SNAP91: variants seen among roughly 807,000 people sequenced by gnomAD.
SNAP91 encodes the protein clathrin coat assembly protein AP180.
Under a neutral mutation model 100.3 loss-of-function variants are expected in SNAP91, and 27 were observed. That is an observed-to-expected ratio of 0.27 (90% CI 0.20 to 0.37). The LOEUF (loss-of-function observed/expected upper bound fraction) is 0.37, where lower values mean the gene tolerates loss of function less well. SNAP91 is among the 10% of genes least tolerant of loss of function. The pLI, the probability that SNAP91 is intolerant of heterozygous loss-of-function variation, is 1.00. For synonymous variants in SNAP91, 404 were observed against 398.6 expected (o/e 1.01, Z -0.16); for missense variants, 986 against 1,123.7 (o/e 0.88, Z 1.75).
chr6:83,698,385 A>G (rs1344800599), intron 2 of SNAP91, among the ~76,000 whole-genome samples: 1 of 151,830 alleles, frequency 6.6e-6, no homozygotes, highest in African/African-American at 2.4e-5. Context: ...AATACTGAAG[A>G]GGAGACTGCC....
intron 2 of SNAP91, among the ~76,000 whole-genome samples, chr6:83,694,794 G>T (rs1329940787): frequency 6.6e-6 from 1 of 152,010 alleles, no homozygotes; most frequent in East Asian, 1.9e-4. Flanking sequence ...CCTCATATTG[G>T]TTACAAGGGC....
At chr6:83,635,613 CT>C (rs1238769534) in intron 8 of SNAP91, among the ~76,000 whole-genome samples, 1 of 150,888 alleles carries the variant, frequency 6.6e-6, no homozygotes, top group African/African-American at 2.4e-5. Context: ...GACAGTACAT[CT>C]TTTTTTTTAA....
chr6:83,612,876 C>T (rs1247093054), intron 11 of SNAP91, among the ~76,000 whole-genome samples: 1 of 115,578 alleles, frequency 8.7e-6, no homozygotes, highest in African/African-American at 3.4e-5. Flanking sequence ...GTCTAGGAGA[C>T]AGAGCGAGAC....
chr6:83,560,971 C>T, intron 26 of SNAP91, 24 bp from the exon 27 acceptor site: 1 of 1,501,496 alleles, frequency 6.7e-7, no homozygotes, highest in Non-Finnish European at 9.0e-7. Context: ...CAGACATACA[C>T]ATATAAATAA....
chr6:83,623,702 G>A (rs2096822123), intron 8 of SNAP91, among the ~76,000 whole-genome samples: 1 of 151,822 alleles, frequency 6.6e-6, no homozygotes, highest in Non-Finnish European at 1.5e-5. Flanking sequence ...TTCTGGATAG[G>A]GAATGCTCAT....
At chr6:83,645,381 G>A (rs1208238418) in intron 7 of SNAP91, among the ~76,000 whole-genome samples, 1 of 151,930 alleles carries the variant, frequency 6.6e-6, no homozygotes, top group African/African-American at 2.4e-5. Flanking sequence ...CAACACCTCT[G>A]AAAAGAGTGC....
chr6:83,680,773 G>T (rs1173757855), intron 2 of SNAP91, among the ~76,000 whole-genome samples: 3 of 152,084 alleles, frequency 2.0e-5, no homozygotes, highest in Non-Finnish European at 4.4e-5. Context: ...CCACCCACAA[G>T]ATGCCAATAG....
intron 20 of SNAP91, among the ~76,000 whole-genome samples, 161 bp from the exon 21 acceptor site, chr6:83,592,699 C>T (rs755452505): frequency 6.6e-5 from 10 of 152,128 alleles, no homozygotes; most frequent in South Asian, 2.1e-4. Context: ...TTAAAATACA[C>T]GCTCTCCAGA....
intron 2 of SNAP91, among the ~76,000 whole-genome samples, chr6:83,671,828 A>G (rs2098791546): frequency 6.6e-6 from 1 of 152,116 alleles, no homozygotes; most frequent in African/African-American, 2.4e-5. Flanking sequence ...GAGATTGTCA[A>G]TCACTTAAAT....
intron 9 of SNAP91, among the ~76,000 whole-genome samples, chr6:83,619,070 GTTTC>G (rs1436254408): frequency 3.3e-5 from 5 of 151,446 alleles, no homozygotes; most frequent in Admixed American, 6.6e-5. Context: ...GTTTTGTAAA[GTTTC>G]TTTCTAAGTG....
Position 83,576,070 on chromosome 6 carries a change from G to T in SNAP91, c.2300-17C>A, listed in dbSNP as rs769348864. The T allele has an allele frequency of 1.6e-6, 2 of 1,258,864 alleles. No individual in the cohort carries two copies. The highest frequency in any genetic ancestry group is 1.1e-6 in the Non-Finnish European group (1 of 903,442). 78.0% of individuals were successfully genotyped at this position (1,258,864 alleles called of 1,614,324 possible). On this transcript the variant is annotated splice_polypyrimidine_tract_variant and intron_variant, in intron 24 of 29. Transcript: ENST00000369694. ...TTCCAAGATCTATAAATGGATAAAA[G>T]AAAAAAGAATGTAAATCTCTACACT...
intron 12 of SNAP91, among the ~76,000 whole-genome samples, chr6:83,610,150 T>C (rs1031570173): frequency 3.3e-5 from 5 of 152,126 alleles, no homozygotes; most frequent in African/African-American, 1.2e-4. Context: ...AAATAGATAT[T>C]TGTACACCCA....
rs567654116 is a variant in SNAP91, at chr6:83,675,146, C to A, written c.131-9565G>T. On this transcript the variant is annotated intron_variant, in intron 2 of 29. Transcript: ENST00000369694. ...AACTGTAGACAATGGATGAATAGGG[C>A]AAGTAAGAAAAGAATAGACACCCTC... is the stretch of plus-strand genomic sequence containing the variant. 3.3e-5 allele frequency among the ~76,000 whole-genome samples: 5 copies of A among 152,080 alleles called. No individual in the cohort carries two copies. In the South Asian group the frequency reaches 1.0e-3, roughly 32 times the overall value.
rs527263950 is a variant in SNAP91, at chr6:83,555,040, A to G, written c.*11-755T>C. Among the ~76,000 whole-genome samples the G allele has an allele frequency of 1.2e-3, 187 of 152,346 alleles. 1 individual carries two copies. Among genetic ancestry groups the G allele is most frequent in the Admixed American group, 1.8e-3 (28 of 15,286 alleles). ...ATGATTAGGGCAACATTTACTAAGTAAGAGGTGAATACAGGCTGCTCTATG... is the reference window on the plus strand; with the variant it reads ...ATGATTAGGGCAACATTTACTAAGTGAGAGGTGAATACAGGCTGCTCTATG... On this transcript the variant is annotated intron_variant, in intron 29 of 29. Transcript: ENST00000369694.
intron 7 of SNAP91, among the ~76,000 whole-genome samples, chr6:83,646,899 A>G (rs1333244991): frequency 6.6e-6 from 1 of 152,146 alleles, no homozygotes; most frequent in African/African-American, 2.4e-5. Flanking sequence ...TAGATCTTAG[A>G]GACATTTTGT....
intron 28 of SNAP91, among the ~76,000 whole-genome samples, chr6:83,556,685 G>A (rs901576919): frequency 1.3e-5 from 2 of 151,998 alleles, no homozygotes; most frequent in South Asian, 2.1e-4. Flanking sequence ...ACAAACAACC[G>A]TTTTCTCTAT....
chr6:83,687,631 C>T (rs1233574456), intron 2 of SNAP91, among the ~76,000 whole-genome samples: 2 of 152,008 alleles, frequency 1.3e-5, no homozygotes, highest in East Asian at 1.9e-4. Context: ...CATAGCAGTG[C>T]CATGGCTGGA....
At position 83,561,032 on chromosome 6, in the gene SNAP91, T is replaced by C; in HGVS notation, c.2443-85A>G. The C allele has an allele frequency of 5.8e-6, 5 of 855,454 alleles. No homozygotes were observed. The South Asian group carries it at 5.9e-5, about 10-fold the overall frequency. The allele number at this position is 855,454 out of a possible 1,614,324, so 53.0% of individuals were successfully genotyped here. On this transcript the variant is annotated intron_variant, in intron 26 of 29. Coordinates refer to ENST00000369694, the MANE Select transcript of SNAP91 (RefSeq NM_001242792.2). ...GACAATAAACAAACAAAAAGAACAA[T>C]ATAATTTGGTATTTATTTATTTATT...
At chr6:83,674,969 G>A (rs934428266) in intron 2 of SNAP91, among the ~76,000 whole-genome samples, 7 of 152,184 alleles carry the variant, frequency 4.6e-5, no homozygotes, top group Non-Finnish European at 8.8e-5. Context: ...AAGTCTAGGC[G>A]AGACTGAGCT....
Sources: gnomAD v4.1 joint callset for allele counts (sites outside exome capture counted in the v4.1 genomes callset) on GRCh38, gnomAD v4.1.1 for gene constraint, MANE v1.5 for transcripts, NCBI Gene and HGNC (gene_info 2026-07-23, HGNC 2026-07-21) for gene names.